DYM: variants seen among roughly 807,000 people sequenced by gnomAD.
The protein encoded by DYM is dyggve-Melchior-Clausen syndrome protein.
Under a neutral mutation model 93.1 loss-of-function variants are expected in DYM, and 78 were observed. The observed-to-expected ratio is 0.84, with a 90% confidence interval of 0.70 to 1.01. DYM has a LOEUF of 1.01. Among genes scored for constraint, DYM ranks in the 50% least tolerant of loss-of-function variants. The probability of loss-of-function intolerance (pLI) is 0.00; values close to 1 mark genes in which losing one functional copy is unlikely to be tolerated. For missense variants in DYM, 789 were observed against 845.0 expected (o/e 0.93, Z 0.82); for synonymous variants, 321 against 319.7 (o/e 1.00, Z -0.04).
At chr18:49,188,800 T>C (rs1179321855) in intron 14 of DYM, among the ~76,000 whole-genome samples, 2 of 152,170 alleles carry the variant, frequency 1.3e-5, no homozygotes, top group African/African-American at 2.4e-5. Flanking sequence ...GTAACTAACC[T>C]GCACATTGTG....
intron 15 of DYM, among the ~76,000 whole-genome samples, chr18:49,149,702 G>GTTTTTTTTTTTTTTT (rs35259913): frequency 2.6e-5 from 2 of 76,846 alleles, no homozygotes; most frequent in African/African-American, 5.2e-5. Flanking sequence ...ATTACAAAGT[G>GTTTTTTTTTTTTTTT]TTTTTTTTTT....
chr18:49,236,451 G>T (rs1391756065), intron 13 of DYM, among the ~76,000 whole-genome samples: 1 of 150,696 alleles, frequency 6.6e-6, no homozygotes, highest in African/African-American at 2.4e-5. Context: ...ATGCACTCCA[G>T]CCTGGGCGAC....
At chr18:49,314,642 T>C (rs945006097) in intron 8 of DYM, among the ~76,000 whole-genome samples, 2 of 152,276 alleles carry the variant, frequency 1.3e-5, no homozygotes, top group African/African-American at 4.8e-5. Context: ...AGTTTGGCAA[T>C]TGTACTGTTT....
chr18:49,347,923 CA>C (rs1401824485), intron 6 of DYM, among the ~76,000 whole-genome samples: 1 of 152,124 alleles, frequency 6.6e-6, no homozygotes, highest in Admixed American at 6.5e-5. Context: ...CTTAAAAAGC[CA>C]AAATACTGCT....
chr18:49,232,744 G>A (rs1234983580), intron 13 of DYM, among the ~76,000 whole-genome samples: 1 of 151,678 alleles, frequency 6.6e-6, no homozygotes, highest in Non-Finnish European at 1.5e-5. Context: ...AAGTAGCTGG[G>A]ATTACAGATG....
chr18:49,403,740 C>A (rs1300979195), intron 2 of DYM, among the ~76,000 whole-genome samples: 1 of 151,076 alleles, frequency 6.6e-6, no homozygotes, highest in Non-Finnish European at 1.5e-5. Context: ...TGTCCCCCTC[C>A]TTCTTCCCCC....
At position 49,215,961 on chromosome 18, in the gene DYM, G is replaced by A. The variant is rs549396193; in HGVS notation, c.1461-6246C>T. Among the ~76,000 whole-genome samples, 791 of 105,010 alleles carry A rather than the reference G, an allele frequency of 7.5e-3. 26 individuals carry two copies. The South Asian group carries it at 0.11, about 15-fold the overall frequency. The allele number at this position is 105,010 out of a possible 152,430, so 68.9% of individuals were successfully genotyped here. ...AGCAGGGCGAGGCATTGCCTCACTCGGGAAGCGCAAGGGGTCAGGGAGTTC... is the reference window on the plus strand; with the variant it reads ...AGCAGGGCGAGGCATTGCCTCACTCAGGAAGCGCAAGGGGTCAGGGAGTTC... On this transcript the variant is annotated intron_variant, in intron 13 of 17. Transcript: ENST00000675505.
intron 8 of DYM, among the ~76,000 whole-genome samples, chr18:49,307,241 A>G (rs778429966): frequency 6.6e-6 from 1 of 152,116 alleles, no homozygotes; most frequent in Non-Finnish European, 1.5e-5. Context: ...AAAGTCCAAA[A>G]GTAAAGGCAG....
chr18:49,098,777 C>A lies in DYM; in HGVS notation c.1912-1262G>T, dbSNP rs78984385. On this transcript the variant is annotated intron_variant, in intron 16 of 17. Coordinates refer to ENST00000675505, the MANE Select transcript of DYM (RefSeq NM_001353214.3). ...GTTTCTGGGATTAATATTTTGTTCACAGAGTTTAGACACAGCAGGTCCAAA... is the reference window on the plus strand; with the variant it reads ...GTTTCTGGGATTAATATTTTGTTCAAAGAGTTTAGACACAGCAGGTCCAAA... Among the ~76,000 whole-genome samples the A allele has an allele frequency of 3.6e-3, 550 of 152,248 alleles. 3 individuals carry two copies. Among genetic ancestry groups the A allele is most frequent in the Non-Finnish European group, 5.8e-3 (394 of 68,014 alleles).
chr18:49,418,598 A>T (rs559817957), intron 2 of DYM, among the ~76,000 whole-genome samples: 1 of 152,334 alleles, frequency 6.6e-6, no homozygotes, highest in African/African-American at 2.4e-5. Context: ...ATTTCTAAAA[A>T]TTGCAGCAAA....
chr18:49,086,734 T>C (rs546731795), intron 17 of DYM, among the ~76,000 whole-genome samples: 49 of 152,192 alleles, frequency 3.2e-4, no homozygotes, highest in African/African-American at 1.1e-3. Flanking sequence ...GGCTCTGTAA[T>C]CCCAGCACTT....
intron 14 of DYM, among the ~76,000 whole-genome samples, chr18:49,201,768 A>G (rs191695992): frequency 1.1e-4 from 17 of 152,364 alleles, no homozygotes; most frequent in Admixed American, 1.1e-3. Context: ...ATCTATTCTT[A>G]GTTACTGCGC....
intron 15 of DYM, among the ~76,000 whole-genome samples, chr18:49,130,357 T>A (rs979025424): frequency 6.6e-6 from 1 of 152,208 alleles, no homozygotes; most frequent in African/African-American, 2.4e-5. Context: ...CTCCCATTAA[T>A]AGTCTAAAAG....
intron 1 of DYM, among the ~76,000 whole-genome samples, chr18:49,437,103 A>G (rs760641199): frequency 6.6e-6 from 1 of 152,212 alleles, no homozygotes; most frequent in Non-Finnish European, 1.5e-5. Context: ...AGTAATATTC[A>G]TGGTACAAAA....
chr18:49,310,010 C>T (rs74969988), intron 8 of DYM, among the ~76,000 whole-genome samples: 2,284 of 152,074 alleles, frequency 0.015, 56 homozygotes, highest in African/African-American at 0.052. Context: ...AGCATGGACG[C>T]GTGCAGCACC....
chr18:49,227,065 A>G (rs1230159438), intron 13 of DYM, among the ~76,000 whole-genome samples: 2 of 152,202 alleles, frequency 1.3e-5, no homozygotes. Context: ...AATCTGAGGC[A>G]TAAACACTAA....
intron 17 of DYM, among the ~76,000 whole-genome samples, chr18:49,079,454 G>A (rs750260453): frequency 6.6e-6 from 1 of 151,760 alleles, no homozygotes; most frequent in Non-Finnish European, 1.5e-5. Context: ...TCTCGCAGAG[G>A]GGGATTTGGC....
chr18:49,361,465 A>C (rs562864918), intron 6 of DYM, among the ~76,000 whole-genome samples: 46 of 152,358 alleles, frequency 3.0e-4, no homozygotes, highest in African/African-American at 1.0e-3. Flanking sequence ...GAGAAACATT[A>C]AAATCTACTT....
chr18:49,085,404 C>A (rs915990807), intron 17 of DYM, among the ~76,000 whole-genome samples: 2 of 152,134 alleles, frequency 1.3e-5, no homozygotes, highest in African/African-American at 4.8e-5. Flanking sequence ...CTCCAACTTA[C>A]CATTTTTAAT....
Sources: gnomAD v4.1 joint callset for allele counts (sites outside exome capture counted in the v4.1 genomes callset) on GRCh38, gnomAD v4.1.1 for gene constraint, MANE v1.5 for transcripts, NCBI Gene and HGNC (gene_info 2026-07-23, HGNC 2026-07-21) for gene names.